The following CCBE1 variants were observed in gnomAD, a reference collection of about 807,000 sequenced individuals.
CCBE1 encodes collagen and calcium-binding EGF domain-containing protein 1.
Under a neutral mutation model 50.0 loss-of-function variants are expected in CCBE1, and 37 were observed. The observed-to-expected ratio is 0.74, with a 90% confidence interval of 0.57 to 0.97. CCBE1 has a LOEUF of 0.97. Ranked by LOEUF, CCBE1 falls within the 50% of genes least tolerant of loss-of-function variation. The pLI is 0.00. For missense variants in CCBE1, 538 were observed against 523.8 expected, an observed-to-expected ratio of 1.03 and a Z score of -0.26; for synonymous variants, 234 against 203.7, an observed-to-expected ratio of 1.15 and a Z score of -1.27.
At chr18:59,646,433 T>C (rs550056117) in intron 2 of CCBE1, among the ~76,000 whole-genome samples, 23 of 152,068 alleles carry the variant, frequency 1.5e-4, no homozygotes, top group Non-Finnish European at 3.2e-4. Context: ...AGAGGGGAAA[T>C]CTACAACGCC....
At chr18:59,575,656 C>T (rs765080543) in intron 2 of CCBE1, among the ~76,000 whole-genome samples, 1 of 152,192 alleles carries the variant, frequency 6.6e-6, no homozygotes, top group African/African-American at 2.4e-5. Flanking sequence ...AAGTTCGCTG[C>T]AAAGTTCTCA....
intron 2 of CCBE1, among the ~76,000 whole-genome samples, chr18:59,513,753 C>G (rs1017183225): frequency 6.6e-6 from 1 of 152,180 alleles, no homozygotes; most frequent in Non-Finnish European, 1.5e-5. Context: ...GAGGGCTTAT[C>G]TCAAGTAGTG....
intron 2 of CCBE1, among the ~76,000 whole-genome samples, chr18:59,521,434 T>C (rs1007441489): frequency 1.3e-5 from 2 of 152,208 alleles, no homozygotes; most frequent in African/African-American, 4.8e-5. Context: ...TTTTTGTTTT[T>C]TTTTCTTTCT....
intron 2 of CCBE1, among the ~76,000 whole-genome samples, chr18:59,654,573 G>A (rs1402717314): frequency 4.0e-5 from 6 of 151,554 alleles, no homozygotes; most frequent in Non-Finnish European, 7.4e-5. Flanking sequence ...GCAGTGAGCC[G>A]AGATCGCGCC....
rs766163865 is a variant in CCBE1, at chr18:59,469,460, A to C, written c.400+13T>G. 7.4e-6 allele frequency: 12 copies of C among 1,614,186 alleles called. No homozygotes were observed. Among genetic ancestry groups the C allele is most frequent in the Non-Finnish European group, 9.3e-6 (11 of 1,180,024 alleles). Reference sequence around the variant, plus strand: ...ATGTTCAGAAGCTGGAAACAAGCACATTCCCAACACACCCAGACAGTATGG... The same window carrying C: ...ATGTTCAGAAGCTGGAAACAAGCACCTTCCCAACACACCCAGACAGTATGG... On this transcript the variant is annotated intron_variant, in intron 4 of 10. Coordinates refer to ENST00000439986, the MANE Select transcript of CCBE1 (RefSeq NM_133459.4).
intron 4 of CCBE1, 62 bp downstream of exon 4, chr18:59,469,411 G>A: frequency 2.5e-6 from 4 of 1,610,754 alleles, no homozygotes; most frequent in Non-Finnish European, 3.4e-6. Context: ...TCCAACCAAG[G>A]ACAGAACCAT....
At chr18:59,524,893 A>AGCTC (rs1914755277) in intron 2 of CCBE1, among the ~76,000 whole-genome samples, 1 of 152,150 alleles carries the variant, frequency 6.6e-6, no homozygotes. Flanking sequence ...AATGGCTTCC[A>AGCTC]GCTCCATCCA....
intron 5 of CCBE1, among the ~76,000 whole-genome samples, chr18:59,459,798 G>T (rs1291652867): frequency 1.3e-5 from 2 of 152,160 alleles, no homozygotes. Context: ...TTTAAAATAT[G>T]AATTCTGCTG....
At chr18:59,597,841 G>A (rs1406624470) in intron 2 of CCBE1, among the ~76,000 whole-genome samples, 2 of 152,164 alleles carry the variant, frequency 1.3e-5, no homozygotes, top group East Asian at 3.9e-4. Context: ...ATTGAACACA[G>A]TTACCTGACG....
chr18:59,579,048 G>C (rs2053045245), intron 2 of CCBE1, among the ~76,000 whole-genome samples: 1 of 152,124 alleles, frequency 6.6e-6, no homozygotes, highest in Non-Finnish European at 1.5e-5. Context: ...CTTAAAGACA[G>C]ATTTCAGCCC....
At position 59,434,010 on chromosome 18, in the gene CCBE1, C is replaced by T. The variant is rs1251920162; in HGVS notation, c.*1898G>A. The T allele has an allele frequency of 6.6e-6, 1 of 151,004 alleles. No homozygotes were observed. Among genetic ancestry groups the T allele is most frequent in the Non-Finnish European group, 1.5e-5 (1 of 68,024 alleles). 9.4% of individuals were successfully genotyped at this position (151,004 alleles called of 1,614,324 possible). On this transcript the variant is annotated 3_prime_UTR_variant, in exon 11 of 11. Coordinates refer to ENST00000439986, the MANE Select transcript of CCBE1 (RefSeq NM_133459.4). ...GTTAAAGTAATTCTCCTGCCTCAGC[C>T]TCCTGAGTAGCTGGGATTACAGGTG...
chr18:59,471,336 A>G (rs1373506270), intron 3 of CCBE1, among the ~76,000 whole-genome samples: 1 of 152,086 alleles, frequency 6.6e-6, no homozygotes, highest in African/African-American at 2.4e-5. Flanking sequence ...AATCCTCTCT[A>G]TTGACTTCCA....
chr18:59,506,336 A>G (rs1217180600), intron 2 of CCBE1, among the ~76,000 whole-genome samples: 1 of 152,216 alleles, frequency 6.6e-6, no homozygotes, highest in Non-Finnish European at 1.5e-5. Context: ...AACCCTGAGG[A>G]TACCTAGGTT....
At chr18:59,544,635 T>C (rs9951850) in intron 2 of CCBE1, among the ~76,000 whole-genome samples, 32,452 of 152,018 alleles carry the variant, frequency 0.21, 3,670 homozygotes, top group Admixed American at 0.24. Context: ...AAATGAAAAG[T>C]TAGTAACGTT....
At chr18:59,686,893 T>C (rs540461629) in intron 2 of CCBE1, among the ~76,000 whole-genome samples, 3 of 152,342 alleles carry the variant, frequency 2.0e-5, no homozygotes, top group Admixed American at 2.0e-4. Flanking sequence ...TATTACATTG[T>C]AAGTTTTTCT....
chr18:59,515,899 A>G (rs567443839), intron 2 of CCBE1, among the ~76,000 whole-genome samples: 6 of 152,332 alleles, frequency 3.9e-5, no homozygotes, highest in Non-Finnish European at 7.4e-5. Context: ...CAAAAGGGGT[A>G]ATCCAAGTAA....
chr18:59,506,643 CAGTCT>C (rs778796813), intron 2 of CCBE1, among the ~76,000 whole-genome samples: 54 of 152,294 alleles, frequency 3.5e-4, no homozygotes, highest in Admixed American at 2.0e-4. Context: ...TTCCTCTCTC[CAGTCT>C]CCACCTATGG....
intron 2 of CCBE1, among the ~76,000 whole-genome samples, chr18:59,560,006 T>A (rs1161068073): frequency 6.6e-6 from 1 of 152,206 alleles, no homozygotes; most frequent in Non-Finnish European, 1.5e-5. Context: ...GCTATATGCA[T>A]AGCCCTACCA....
chr18:59,598,660 G>A (rs2053389116), intron 2 of CCBE1, among the ~76,000 whole-genome samples: 2 of 152,204 alleles, frequency 1.3e-5, no homozygotes, highest in African/African-American at 4.8e-5. Context: ...TGAGGTAGGT[G>A]TGGCCCTAAC....
Sources: allele counts gnomAD v4.1 joint callset (sites outside exome capture counted in the v4.1 genomes callset), GRCh38; gene constraint gnomAD v4.1.1; transcripts MANE v1.5; gene names NCBI Gene and HGNC (gene_info 2026-07-23, HGNC 2026-07-21).